Variants in RAB23 observed in about 807,000 individuals in gnomAD.
RAB23 encodes RAB23, member RAS oncogene family.
In RAB23, 15 loss-of-function variants were observed where a neutral mutation model predicts 30.0. That is an observed-to-expected ratio of 0.50 (90% CI 0.33 to 0.77). The LOEUF (loss-of-function observed/expected upper bound fraction) is 0.77, where lower values mean the gene tolerates loss of function less well. RAB23 is among the 30% of genes least tolerant of loss of function. The probability of loss-of-function intolerance (pLI) is 0.02; values close to 1 mark genes in which losing one functional copy is unlikely to be tolerated. For missense variants in RAB23, 243 were observed against 275.4 expected (o/e 0.88, Z 0.83); for synonymous variants, 93 against 94.0 (o/e 0.99, Z 0.06).
chr6:57,215,030 A>G (rs1368887879), intron 1 of RAB23, among the ~76,000 whole-genome samples: 1 of 152,254 alleles, frequency 6.6e-6, no homozygotes, highest in Non-Finnish European at 1.5e-5. Context: ...TATAATAACC[A>G]TAATTTAAAA....
intron 1 of RAB23, among the ~76,000 whole-genome samples, chr6:57,220,102 G>A (rs546746947): frequency 5.9e-5 from 9 of 152,254 alleles, no homozygotes; most frequent in African/African-American, 1.7e-4. Context: ...ATGGGCAAGA[G>A]ACTTTGCCAG....
In RAB23 at chr6:57,196,588, A is replaced by C. The variant is rs1437550316; in HGVS notation, c.260T>G (p.Leu87Arg). The C allele has an allele frequency of 6.2e-7, 1 of 1,613,934 alleles. No individual in the cohort carries two copies. Among genetic ancestry groups the C allele is most frequent in the Admixed American group, 1.7e-5 (1 of 60,006 alleles). The change falls in exon 4 of 7, where the codon CTC becomes CGC. Residue 87 changes from leucine to arginine, a missense_variant. Transcript: ENST00000468148. ...AYYRGAQACV[L>R]VFSTTDRESF... ...TTCCCTATCTGTGGTAGAGAACACGAGCACACAAGCCTGGGCTCCTGTAAG... is the reference window on the plus strand; with the variant it reads ...TTCCCTATCTGTGGTAGAGAACACGCGCACACAAGCCTGGGCTCCTGTAAG...
At chr6:57,204,011 C>T (rs193043431) in intron 3 of RAB23, among the ~76,000 whole-genome samples, 25 of 152,216 alleles carry the variant, frequency 1.6e-4, no homozygotes, top group Non-Finnish European at 2.8e-4. Context: ...TATGTTAGTA[C>T]AATCATGAAA....
chr6:57,190,552 G>T lies in RAB23; in HGVS notation c.623C>A (p.Thr208Asn). 6.2e-7 allele frequency: 1 copy of T among 1,613,650 alleles called. No homozygotes were observed. Among genetic ancestry groups the T allele is most frequent in the East Asian group, 2.2e-5 (1 of 44,866 alleles). The change falls in exon 7 of 7, where the codon ACC (threonine) becomes AAC (asparagine). Residue 208 changes from threonine to asparagine, a missense_variant. By Grantham distance (65) the Thr-to-Asn change is moderately conservative. Coordinates refer to ENST00000468148, the MANE Select transcript of RAB23 (RefSeq NM_016277.5). Reference protein sequence around the residue: ...GGSHSGQNSGTLNGGDVINLR... With the variant: ...GGSHSGQNSGNLNGGDVINLR... ...ATTGATGACATCTCCACCATTGAGG[G>T]TACCTGAATTCTGACCGGAGTGACT...
chr6:57,188,531 A>AAAAG lies in RAB23; in HGVS notation c.*1926_*1929dup, dbSNP rs1764700947. 1 of 152,298 alleles carries AAAAG rather than the reference A, an allele frequency of 6.6e-6. No individual in the cohort carries two copies. The highest frequency in any genetic ancestry group is 1.5e-5 in the Non-Finnish European group (1 of 68,002). The allele number at this position is 152,298 out of a possible 1,614,324, so 9.4% of individuals were successfully genotyped here. A position where few individuals can be genotyped will look rare whatever the true frequency, so the allele number is the denominator to read the frequency against. On this transcript the variant is annotated 3_prime_UTR_variant, in exon 7 of 7. Transcript: ENST00000468148. ...AAGTGATTTTTCTGCCAATAAAGAC[A>AAAAG]AAAGACTATTTGTTGCAAAGTATTA...
Position 57,194,788 on chromosome 6 carries a change from C to T in RAB23, c.463G>A (p.Asp155Asn). The T allele has an allele frequency of 1.2e-6, 2 of 1,612,554 alleles. No individual in the cohort carries two copies. The highest frequency in any genetic ancestry group is 1.7e-6 in the Non-Finnish European group (2 of 1,178,922). ...LRFYRTSVKE[D>N]LNVNEVFKYL... ...AATTTACCTTCATTCACATTTAGAT[C>T]TTCTTTCACTGATGTTCTGTAGAAT... is the stretch of plus-strand genomic sequence containing the variant. Residue 155 changes from aspartate (D) to asparagine (N), a missense_variant, in exon 5 of 7, where the codon GAT becomes AAT. Physicochemically the swap from Asp to Asn is conservative, Grantham distance 23 (BLOSUM62 1). Coordinates refer to ENST00000468148, the MANE Select transcript of RAB23 (RefSeq NM_016277.5).
At chr6:57,214,844 A>T (rs1246628181) in intron 1 of RAB23, among the ~76,000 whole-genome samples, 1 of 152,208 alleles carries the variant, frequency 6.6e-6, no homozygotes, top group East Asian at 1.9e-4. Flanking sequence ...CAATCAATAG[A>T]CACTAGCAAT....
At chr6:57,193,807 A>G (rs2127997630) in intron 6 of RAB23, 35 bp downstream of exon 6, 1 of 1,607,536 alleles carries the variant, frequency 6.2e-7, no homozygotes, top group Middle Eastern at 1.7e-4. Context: ...TAACTTTACC[A>G]AGTAAACATG....
At chr6:57,214,976 CAG>C (rs1251663404) in intron 1 of RAB23, among the ~76,000 whole-genome samples, 2 of 151,924 alleles carry the variant, frequency 1.3e-5, no homozygotes, top group Non-Finnish European at 2.9e-5. Flanking sequence ...CAAAAATAAA[CAG>C]AAGATATAAA....
rs1053647618 is a variant in RAB23, at chr6:57,187,043, G to T, written c.*3418C>A. ...CTGATTATTGGAATTCATCCTTCAT[G>T]AAATTTTTAGAGTAGTGTTTTAAAT... On this transcript the variant is annotated 3_prime_UTR_variant, in exon 7 of 7. Transcript: ENST00000468148. 1 of 152,122 alleles carries T rather than the reference G, an allele frequency of 6.6e-6. No individual in the cohort carries two copies. The highest frequency in any genetic ancestry group is 1.5e-5 in the Non-Finnish European group (1 of 68,006). 9.4% of individuals were successfully genotyped at this position (152,122 alleles called of 1,614,324 possible). A position where few individuals can be genotyped will look rare whatever the true frequency, so the allele number is the denominator to read the frequency against.
intron 3 of RAB23, among the ~76,000 whole-genome samples, chr6:57,197,549 TTCTACTAAGACTCAAGATATG>T (rs1459534505): frequency 6.6e-6 from 1 of 152,180 alleles, no homozygotes; most frequent in Non-Finnish European, 1.5e-5. Context: ...TATAAGAGTT[TTCTACTAAGACTCAAGATATG>T]TCTGGGCTAT....
At chr6:57,213,287 G>A (rs1002709537) in intron 1 of RAB23, among the ~76,000 whole-genome samples, 2 of 152,122 alleles carry the variant, frequency 1.3e-5, no homozygotes, top group South Asian at 2.1e-4. Context: ...GCCACAGAAC[G>A]GTACCAGTCC....
At chr6:57,203,294 C>T (rs569969052) in intron 3 of RAB23, among the ~76,000 whole-genome samples, 1 of 152,340 alleles carries the variant, frequency 6.6e-6, no homozygotes, top group East Asian at 1.9e-4. Context: ...GCGTGAGCCA[C>T]TGTGCCCAAC....
At chr6:57,207,599 A>T (rs769372098) in intron 3 of RAB23, 29 bp downstream of exon 3, 1 of 1,513,642 alleles carries the variant, frequency 6.6e-7, no homozygotes, top group Non-Finnish European at 9.2e-7. Flanking sequence ...ATGCCCAAAC[A>T]AAATAAATAA....
chr6:57,196,326 G>T, intron 4 of RAB23, 124 bp downstream of exon 4: 1 of 1,124,406 alleles, frequency 8.9e-7, no homozygotes, highest in African/African-American at 1.6e-5. Context: ...AAATATTTAA[G>T]TCATTAAAGC....
intron 3 of RAB23, 28 bp from the exon 4 acceptor site, chr6:57,196,634 CA>C: frequency 6.2e-7 from 1 of 1,607,048 alleles, no homozygotes; most frequent in Non-Finnish European, 8.5e-7. Context: ...ATCAATCAAT[CA>C]ATCAAGGTAT....
At position 57,222,212 on chromosome 6, in the gene RAB23, C is replaced by G. The variant is rs192791071; in HGVS notation, c.-552G>C. ...AAACGAACTTTATTAGTAGCCAGGG[C>G]TCAGATTGAGTGGCTCAGCAGCAGC... On this transcript the variant is annotated 5_prime_UTR_variant, in exon 1 of 7. Transcript: ENST00000468148. 5.2e-5 allele frequency: 8 copies of G among 152,514 alleles called. No individual in the cohort carries two copies. Among genetic ancestry groups the G allele is most frequent in the African/African-American group, 1.9e-4 (8 of 41,586 alleles). 9.4% of individuals were successfully genotyped at this position (152,514 alleles called of 1,614,324 possible). A position where few individuals can be genotyped will look rare whatever the true frequency, so the allele number is the denominator to read the frequency against.
chr6:57,213,522 T>C (rs956979007), intron 1 of RAB23, among the ~76,000 whole-genome samples: 8 of 152,210 alleles, frequency 5.3e-5, no homozygotes, highest in African/African-American at 1.9e-4. Flanking sequence ...AAGACTGTTA[T>C]GTTCAAAAAA....
At chr6:57,209,264 A>G (rs890630285) in intron 2 of RAB23, among the ~76,000 whole-genome samples, 3 of 152,174 alleles carry the variant, frequency 2.0e-5, no homozygotes, top group Admixed American at 2.0e-4. Context: ...AATGACCACA[A>G]ATGTACTACA....
Sources: allele counts gnomAD v4.1 joint callset (sites outside exome capture counted in the v4.1 genomes callset), GRCh38; gene constraint gnomAD v4.1.1; transcripts MANE v1.5; gene names NCBI Gene and HGNC (gene_info 2026-07-23, HGNC 2026-07-21).